Variants in GXYLT2 observed in about 807,000 individuals in gnomAD.
GXYLT2 encodes the protein glucoside xylosyltransferase 2, also known as glycosyltransferase 8 domain containing 4.
A neutral mutation model predicts 45.8 loss-of-function variants in GXYLT2; 53 were observed. That is an observed-to-expected ratio of 1.16 (90% CI 0.93 to 1.46). The LOEUF (loss-of-function observed/expected upper bound fraction) is 1.46. Among genes scored for constraint, GXYLT2 ranks in the 40% most tolerant of loss-of-function variants. The pLI is 0.00. For missense variants in GXYLT2, 551 were observed against 544.4 expected (o/e 1.01, Z -0.12); for synonymous variants, 219 against 214.2 (o/e 1.02, Z -0.19).
chr3:72,959,193 C>T (rs1362791843), intron 5 of GXYLT2, among the ~76,000 whole-genome samples: 1 of 142,962 alleles, frequency 7.0e-6, no homozygotes, highest in East Asian at 2.2e-4. Context: ...TCTCGGCTCA[C>T]TGTAACTTCT....
At chr3:72,959,186 C>T (rs36101479) in intron 5 of GXYLT2, among the ~76,000 whole-genome samples, 24,206 of 139,846 alleles carry the variant, frequency 0.17, 3,099 homozygotes, top group East Asian at 0.42. Context: ...GGCATGATCT[C>T]GGCTCACTGT....
intron 1 of GXYLT2, among the ~76,000 whole-genome samples, chr3:72,899,164 A>G (rs1198596388): frequency 2.0e-5 from 3 of 152,106 alleles, no homozygotes; most frequent in South Asian, 4.1e-4. Context: ...AAGCTTATGT[A>G]TGTGCACGAT....
chr3:72,958,924 G>A (rs1385451578), intron 5 of GXYLT2, among the ~76,000 whole-genome samples: 3 of 148,656 alleles, frequency 2.0e-5, no homozygotes, highest in Non-Finnish European at 3.0e-5. Context: ...CAGCCACGGT[G>A]CCCAGGTATT....
chr3:72,904,934 A>G (rs1476560184), intron 1 of GXYLT2, among the ~76,000 whole-genome samples: 1 of 150,472 alleles, frequency 6.6e-6, no homozygotes, highest in Non-Finnish European at 1.5e-5. Flanking sequence ...TTGTAGTCCC[A>G]GCTACTTGGG....
rs933820600 is a variant in GXYLT2 at position 72,905,282 on chromosome 3, T to C, written c.276-3085T>C. On this transcript the variant is annotated intron_variant, in intron 1 of 6. Transcript: ENST00000389617. ...ACAGGCACACGCCACCACAACCAGCTAATTTTTGTATTTTTAGTAGAGACG... is the reference window on the plus strand; with the variant it reads ...ACAGGCACACGCCACCACAACCAGCCAATTTTTGTATTTTTAGTAGAGACG... Among the ~76,000 whole-genome samples the C allele has an allele frequency of 3.0e-4, 46 of 151,934 alleles. 1 individual carries two copies. Among genetic ancestry groups the C allele is most frequent in the Admixed American group, 1.3e-4 (2 of 15,272 alleles).
intron 2 of GXYLT2, among the ~76,000 whole-genome samples, chr3:72,910,401 A>G (rs529931045): frequency 1.3e-5 from 2 of 152,254 alleles, no homozygotes; most frequent in East Asian, 1.9e-4. Flanking sequence ...CACCTCCACT[A>G]TGTACTTGCT....
intron 4 of GXYLT2, among the ~76,000 whole-genome samples, chr3:72,956,639 A>G (rs1197069047): frequency 1.3e-5 from 2 of 152,116 alleles, no homozygotes; most frequent in African/African-American, 2.4e-5. Context: ...TCACGCCTAT[A>G]ATCCCAGCAC....
intron 3 of GXYLT2, chr3:72,928,903 C>A: frequency 1.4e-6 from 1 of 690,160 alleles, no homozygotes; most frequent in Non-Finnish European, 2.6e-6. Flanking sequence ...TTGGACGGAA[C>A]CCGGCGTTCG....
At chr3:72,955,552 T>A (rs189670446) in intron 4 of GXYLT2, among the ~76,000 whole-genome samples, 1 of 152,328 alleles carries the variant, frequency 6.6e-6, no homozygotes, top group Admixed American at 6.5e-5. Flanking sequence ...ATTTAAAGCT[T>A]CAGCAAAGTC....
chr3:72,939,218 T>C (rs1356741815), intron 3 of GXYLT2, among the ~76,000 whole-genome samples: 1 of 152,112 alleles, frequency 6.6e-6, no homozygotes, highest in Non-Finnish European at 1.5e-5. Flanking sequence ...CTCCCAATTA[T>C]ATATATATTT....
At chr3:72,901,685 C>T (rs868629237) in intron 1 of GXYLT2, among the ~76,000 whole-genome samples, 3 of 149,566 alleles carry the variant, frequency 2.0e-5, no homozygotes, top group African/African-American at 2.5e-5. Flanking sequence ...CTCAGCCACA[C>T]GAGTAGCTGG....
At chr3:72,896,666 T>C (rs1445349807) in intron 1 of GXYLT2, among the ~76,000 whole-genome samples, 2 of 152,012 alleles carry the variant, frequency 1.3e-5, no homozygotes, top group Admixed American at 1.3e-4. Context: ...CTGGCCAATA[T>C]GGTGAAACCT....
rs140286527 is a variant in GXYLT2 at position 72,965,292 on chromosome 3, A to G, written c.977-2255A>G. Among the ~76,000 whole-genome samples, 802 of 152,310 alleles carry G rather than the reference A, an allele frequency of 5.3e-3. 7 individuals carry two copies. The highest frequency in any genetic ancestry group is 0.018 in the African/African-American group (769 of 41,572). On this transcript the variant is annotated intron_variant, in intron 5 of 6. Transcript: ENST00000389617. ...AGATGGGATGGGTGACAATCACTTC[A>G]TTATTTGCTTTCCATCTTGAAGCTT...
In GXYLT2 at chr3:72,967,647, G is replaced by A; in HGVS notation, c.1077G>A (p.Leu359=). 6.2e-7 allele frequency: 1 copy of A among 1,613,948 alleles called. No homozygotes were observed. The highest frequency in any genetic ancestry group is 1.1e-5 in the South Asian group (1 of 91,074). ...CTGAGCATGAAGGTGTGTCTGTTCT[G>A]CATGGAAACCGAGGCGTCTACCATG... ...REAEHEGVSV[L]HGNRGVYHDD... The change falls in exon 6 of 7, where the codon CTG becomes CTA. Residue 359 remains leucine (L), a synonymous_variant. Transcript: ENST00000389617.
intron 6 of GXYLT2, among the ~76,000 whole-genome samples, chr3:72,974,758 TAA>T (rs1711059886): frequency 6.6e-6 from 1 of 152,218 alleles, no homozygotes; most frequent in African/African-American, 2.4e-5. Flanking sequence ...TTTTTCTTTT[TAA>T]AGAGGTAAAG....
chr3:72,927,036 C>T (rs1008845784), intron 3 of GXYLT2: 5 of 152,208 alleles, frequency 3.3e-5, no homozygotes, highest in African/African-American at 1.2e-4. Flanking sequence ...CTCCTGGGCT[C>T]AAGTGATCCT....
At position 72,916,324 on chromosome 3, in the gene GXYLT2, A is replaced by C. The variant is rs1709742510; in HGVS notation, c.469-5880A>C. The stretch of plus-strand genomic sequence containing the variant: ...AGAAACAAACTTTAGGAAAAAAAAA[A>C]AAGAAAAGAAAAACACCTTAAAATA... On this transcript the variant is annotated intron_variant, in intron 2 of 6. Coordinates refer to ENST00000389617, the MANE Select transcript of GXYLT2 (RefSeq NM_001080393.2). Among the ~76,000 whole-genome samples the C allele has an allele frequency of 6.6e-5, 10 of 151,532 alleles. No individual in the cohort carries two copies. In the South Asian group the frequency reaches 2.1e-3, roughly 32 times the overall value.
At chr3:72,936,431 A>G (rs1710180149) in intron 3 of GXYLT2, among the ~76,000 whole-genome samples, 1 of 152,172 alleles carries the variant, frequency 6.6e-6, no homozygotes, top group East Asian at 1.9e-4. Flanking sequence ...AGGCAGATGA[A>G]TCACTTGAGA....
At position 72,908,802 on chromosome 3, in the gene GXYLT2, A is replaced by G. The variant is rs543582760; in HGVS notation, c.468+243A>G. ...GCCAAGGGTAGAGTACAGTGGTGCA[A>G]TCTCGGCTCACTGCAGCCTCAACCT... On this transcript the variant is annotated intron_variant, in intron 2 of 6. Transcript: ENST00000389617. Among the ~76,000 whole-genome samples, 15 of 152,252 alleles carry G rather than the reference A, an allele frequency of 9.9e-5. 1 individual carries two copies. The South Asian group carries it at 2.9e-3, about 29-fold the overall frequency.
Sources: allele counts gnomAD v4.1 joint callset (sites outside exome capture counted in the v4.1 genomes callset), GRCh38; gene constraint gnomAD v4.1.1; transcripts MANE v1.5; gene names NCBI Gene and HGNC (gene_info 2026-07-23, HGNC 2026-07-21).